OSBPL7: variants seen among roughly 807,000 people sequenced by gnomAD.
The protein encoded by OSBPL7 is oxysterol binding protein like 7, also known as oxysterol-binding protein-related protein 7.
OSBPL7 carries 66 observed loss-of-function variants against 115.8 expected under a neutral mutation model. That is an observed-to-expected ratio of 0.57 (90% CI 0.47 to 0.70). The LOEUF (loss-of-function observed/expected upper bound fraction) is 0.70. Ranked by LOEUF, OSBPL7 falls within the 30% of genes least tolerant of loss-of-function variation. The pLI, the probability that OSBPL7 is intolerant of heterozygous loss-of-function variation, is 0.00. For missense variants in OSBPL7, 902 were observed against 1,125.5 expected (o/e 0.80, Z 2.84); for synonymous variants, 441 against 439.2 (o/e 1.00, Z -0.05).
chr17:47,815,944 G>A (rs945558753), intron 12 of OSBPL7, 163 bp downstream of exon 12: 22 of 589,044 alleles, frequency 3.7e-5, no homozygotes, highest in African/African-American at 1.3e-4. Context: ...CACAATGATC[G>A]AGATGGGGCT....
intron 16 of OSBPL7, 33 bp downstream of exon 16, chr17:47,813,233 C>G: frequency 1.2e-6 from 2 of 1,612,138 alleles, no homozygotes; most frequent in South Asian, 2.2e-5. Flanking sequence ...GCCCCAGACA[C>G]CCAAGGCCAG....
In OSBPL7 at chr17:47,810,582, T is replaced by G. The variant is rs1314195761; in HGVS notation, c.1880+12A>C. The G allele has an allele frequency of 1.1e-5, 18 of 1,612,150 alleles. No homozygotes were observed. The highest frequency in any genetic ancestry group is 1.4e-5 in the Non-Finnish European group (16 of 1,178,394). On this transcript the variant is annotated intron_variant, in intron 18 of 22. Coordinates refer to ENST00000007414, the MANE Select transcript of OSBPL7 (RefSeq NM_145798.3). Reference sequence around the variant, plus strand: ...TGGCTTGGCCTGGCTGCTGAGAGTCTAAGAATCCCACCTGGGCAGGCTGAC... The same window carrying G: ...TGGCTTGGCCTGGCTGCTGAGAGTCGAAGAATCCCACCTGGGCAGGCTGAC...
chr17:47,815,105 G>T, intron 13 of OSBPL7, 110 bp downstream of exon 13: 1 of 1,388,444 alleles, frequency 7.2e-7, no homozygotes, highest in Non-Finnish European at 9.8e-7. Flanking sequence ...AGAGATAGCA[G>T]CTGAGGTGGT....
In OSBPL7 at chr17:47,809,483, G is replaced by GA; in HGVS notation, c.1881-6dup. The GA allele has an allele frequency of 6.2e-7, 1 of 1,609,852 alleles. No individual in the cohort carries two copies. The highest frequency in any genetic ancestry group is 8.5e-7 in the Non-Finnish European group (1 of 1,176,512). ...CACTCAAAGTGGTCCCCAAACCTGAGAAAGACAAGGTATGGAAGGGCAGCT... is the reference window on the plus strand; with the variant it reads ...CACTCAAAGTGGTCCCCAAACCTGAGAAAAGACAAGGTATGGAAGGGCAGCT... On this transcript the variant is annotated splice_polypyrimidine_tract_variant and splice_region_variant and intron_variant, in intron 18 of 22. Coordinates refer to ENST00000007414, the MANE Select transcript of OSBPL7 (RefSeq NM_145798.3).
chr17:47,808,252 G>A lies in OSBPL7; in HGVS notation c.*39C>T, dbSNP rs767560817. 6.1e-6 allele frequency: 9 copies of A among 1,475,330 alleles called. No individual in the cohort carries two copies. In the African/African-American group the frequency reaches 1.2e-4, roughly 20 times the overall value. 91.4% of individuals were successfully genotyped at this position (1,475,330 alleles called of 1,614,324 possible). A position where few individuals can be genotyped will look rare whatever the true frequency, so the allele number is the denominator to read the frequency against. ...TCCATGGTAGGGGGTGGAGGCAGGA[G>A]GAGTGAGGAACCAGAGCCTCCTGCC... On this transcript the variant is annotated 3_prime_UTR_variant, in exon 23 of 23. Coordinates refer to ENST00000007414, the MANE Select transcript of OSBPL7 (RefSeq NM_145798.3). The surrounding 1 kb of genome is among the most constrained non-coding windows in gnomAD (Gnocchi z 6.1).
chr17:47,820,096 C>T lies in OSBPL7; in HGVS notation c.76G>A (p.Ala26Thr), dbSNP rs1458217694. ...TCCACCACCTCCCACAGCTCAGAGG[C>T]CTGCAGTCCAGGACAGAGGGAGGGG... ...QSSKPSSAQQ[A>T]SELWEVVEEP... is the part of the protein sequence containing the mutation. Residue 26 changes from alanine to threonine, a missense_variant and splice_region_variant, in exon 3 of 23, where the codon GCC becomes ACC. Transcript: ENST00000007414. The T allele has an allele frequency of 2.5e-6, 4 of 1,612,730 alleles. No individual in the cohort carries two copies. Among genetic ancestry groups the T allele is most frequent in the Non-Finnish European group, 2.5e-6 (3 of 1,179,866 alleles).
Position 47,819,726 on chromosome 17 carries a change from C to T in OSBPL7, c.255+3G>A, listed in dbSNP as rs1384192652. 6.2e-7 allele frequency: 1 copy of T among 1,614,080 alleles called. No homozygotes were observed. On this transcript the variant is annotated splice_donor_region_variant and intron_variant, in intron 4 of 22. Transcript: ENST00000007414. ...ACAACCCCAAGCCACTGCCCGGGCT[C>T]ACGTCTTGCCGGGTTGTTGCATAAT...
Position 47,817,395 on chromosome 17 carries a change from C to CT in OSBPL7, c.599-37_599-36insA. On this transcript the variant is annotated intron_variant, in intron 7 of 22. Coordinates refer to ENST00000007414, the MANE Select transcript of OSBPL7 (RefSeq NM_145798.3). ...AAAGAACAAGAACAAGAACACCATT[C>CT]ATTTTTTTTTTGAGACGGAGTTTTG... is the stretch of plus-strand genomic sequence containing the variant. The CT allele has an allele frequency of 2.0e-6, 3 of 1,480,486 alleles. No homozygotes were observed. The Admixed American group carries it at 5.9e-5, about 29-fold the overall frequency. The allele number at this position is 1,480,486 out of a possible 1,614,324, so 91.7% of individuals were successfully genotyped here. A position where few individuals can be genotyped will look rare whatever the true frequency, so the allele number is the denominator to read the frequency against.
Position 47,818,395 on chromosome 17 carries a change from T to C in OSBPL7, c.481-9A>G, listed in dbSNP as rs1392043817. 2 of 1,611,922 alleles carry C rather than the reference T, an allele frequency of 1.2e-6. No individual in the cohort carries two copies. The highest frequency in any genetic ancestry group is 4.5e-5 in the East Asian group (2 of 44,874). On this transcript the variant is annotated splice_polypyrimidine_tract_variant and intron_variant, in intron 6 of 22. Coordinates refer to ENST00000007414, the MANE Select transcript of OSBPL7 (RefSeq NM_145798.3). ...AGCTGGGCACCAGGAACCTGTGGGG[T>C]GAGCCCAGGGTCAGGAAGGATGATG...
rs201734345 is a variant in OSBPL7, at chr17:47,816,613, G to A, written c.878C>T (p.Pro293Leu). The A allele has an allele frequency of 1.8e-4, 291 of 1,613,670 alleles. 2 individuals are homozygous for A. Among genetic ancestry groups the A allele is most frequent in the Non-Finnish European group, 2.0e-4 (241 of 1,179,946 alleles). The part of the protein sequence containing the change: ...RDSSGTRGLP[P>L]TDYAHLQRSF... Reference sequence around the variant, plus strand: ...GCGCTGCAGGTGGGCATAGTCTGTGGGTGGCAGCCCACGGGTGCCCGAGGA... The same window carrying A: ...GCGCTGCAGGTGGGCATAGTCTGTGAGTGGCAGCCCACGGGTGCCCGAGGA... Residue 293 changes from proline (P) to leucine (L), a missense_variant, in exon 10 of 23, where the codon CCC becomes CTC. By Grantham distance (98) the Pro-to-Leu change is moderately conservative (BLOSUM62 -3). Transcript: ENST00000007414. This position sits in a 1 kb window ranked among gnomAD's most constrained non-coding sequence, Gnocchi z 5.8.
Position 47,818,328 on chromosome 17 carries a change from G to C in OSBPL7, c.539C>G (p.Pro180Arg), listed in dbSNP as rs779655532. ...ATASALPGLG[P>R]REKVSSWLRD... ...CAGCCAGGAAGACACTTTCTCCCGCGGTCCAAGCCCAGGTAGGGCTGAGGC... is the reference window on the plus strand; with the variant it reads ...CAGCCAGGAAGACACTTTCTCCCGCCGTCCAAGCCCAGGTAGGGCTGAGGC... The change falls in exon 7 of 23, where the codon CCG (proline) becomes CGG (arginine). Residue 180 changes from proline (P) to arginine (R), a missense_variant. Pro to Arg is a moderately radical substitution (Grantham distance 103). Transcript: ENST00000007414. The C allele has an allele frequency of 6.2e-7, 1 of 1,614,042 alleles. No homozygotes were observed. Among genetic ancestry groups the C allele is most frequent in the Non-Finnish European group, 8.5e-7 (1 of 1,180,032 alleles).
chr17:47,814,646 C>T (rs778853175), intron 13 of OSBPL7, 32 bp from the exon 14 acceptor site: 9 of 1,603,866 alleles, frequency 5.6e-6, no homozygotes, highest in East Asian at 4.5e-5. Flanking sequence ...GCCGGGCAGA[C>T]TGGGCCTCCC....
intron 20 of OSBPL7, 34 bp from the exon 21 acceptor site, chr17:47,809,024 C>A (rs1444534788): frequency 6.2e-7 from 1 of 1,613,650 alleles, no homozygotes; most frequent in Non-Finnish European, 8.5e-7. Context: ...GCAGGTGCAC[C>A]ATGCCTGAGC....
At chr17:47,814,639 G>A (rs749343105) in intron 13 of OSBPL7, 25 bp from the exon 14 acceptor site, 29 of 1,605,134 alleles carry the variant, frequency 1.8e-5, no homozygotes, top group Middle Eastern at 1.6e-4. Context: ...ATGACAGGCC[G>A]GGCAGACTGG....
At position 47,808,444 on chromosome 17, in the gene OSBPL7, G is replaced by T; in HGVS notation, c.2421-45C>A. The stretch of plus-strand genomic sequence containing the variant: ...GCAGTGAGGGGTGAACATCTAGAAG[G>T]CAGGCTAGGGTCCTAAGGTGCTGCC... On this transcript the variant is annotated intron_variant, in intron 22 of 22. Coordinates refer to ENST00000007414, the MANE Select transcript of OSBPL7 (RefSeq NM_145798.3). The surrounding 1 kb of genome is among the most constrained non-coding windows in gnomAD (Gnocchi z 6.1). 1 of 1,613,694 alleles carries T rather than the reference G, an allele frequency of 6.2e-7. No homozygotes were observed. The highest frequency in any genetic ancestry group is 8.5e-7 in the Non-Finnish European group (1 of 1,179,602).
chr17:47,810,803 A>G lies in OSBPL7; in HGVS notation c.1770T>C (p.His590=), dbSNP rs1438928794. ...AGAAGGCGAAGTTCTCAGACTCTGC[A>G]TGGCAGGCCGAGATAGGGGGGTGGT... ...VSHHPPISAC[H]AESENFAFWQ... Residue 590 remains histidine (H), a synonymous_variant, in exon 17 of 23, where the codon CAT becomes CAC. Transcript: ENST00000007414. 3 of 1,613,972 alleles carry G rather than the reference A, an allele frequency of 1.9e-6. No homozygotes were observed. The highest frequency in any genetic ancestry group is 2.5e-6 in the Non-Finnish European group (3 of 1,179,976).
At position 47,808,753 on chromosome 17, in the gene OSBPL7, A is replaced by G; in HGVS notation, c.2298-93T>C. 6.2e-7 allele frequency: 1 copy of G among 1,602,798 alleles called. No individual in the cohort carries two copies. Among genetic ancestry groups the G allele is most frequent in the Non-Finnish European group, 8.5e-7 (1 of 1,173,098 alleles). On this transcript the variant is annotated intron_variant, in intron 21 of 22. Transcript: ENST00000007414. This position sits in a 1 kb window ranked among gnomAD's most constrained non-coding sequence, Gnocchi z 6.1. ...CTCTGCCCAACTCTGTCCTCTAGAC[A>G]AGCCCCACTTCTCTGAGGCCACTCA...
intron 13 of OSBPL7, chr17:47,814,999 A>G (rs1439842809): frequency 3.1e-6 from 2 of 636,824 alleles, no homozygotes; most frequent in Non-Finnish European, 2.6e-6. Flanking sequence ...GGAGAACCCA[A>G]TGGGGATACA....
chr17:47,813,129 C>T lies in OSBPL7; in HGVS notation c.1737+137G>A, dbSNP rs932824778. ...ACCTCAGAACGTGGGCCAGGAGCAC[C>T]GCAGAGCCCGGCACAGAGCCAACTG... On this transcript the variant is annotated intron_variant, in intron 16 of 22. Coordinates refer to ENST00000007414, the MANE Select transcript of OSBPL7 (RefSeq NM_145798.3). The T allele has an allele frequency of 6.0e-5, 73 of 1,218,552 alleles. 1 individual carries two copies. The highest frequency in any genetic ancestry group is 7.4e-5 in the Non-Finnish European group (66 of 890,674). The allele number at this position is 1,218,552 out of a possible 1,614,324, so 75.5% of individuals were successfully genotyped here.
Sources: allele counts gnomAD v4.1 joint callset, GRCh38; gene constraint gnomAD v4.1.1; non-coding constraint Gnocchi (gnomAD v3.1); transcripts MANE v1.5; gene names NCBI Gene and HGNC (gene_info 2026-07-23, HGNC 2026-07-21).